The following CDC42SE2 variants were observed in gnomAD, a reference collection of about 807,000 sequenced individuals.
The protein encoded by CDC42SE2 is CDC42 small effector 2, also known as CDC42 small effector protein 2.
In CDC42SE2, 3 loss-of-function variants were observed where a neutral mutation model predicts 11.5. The ratio of observed to expected loss-of-function variants is 0.26; its 90% confidence interval spans 0.12 to 0.67. The LOEUF is 0.67. Among genes scored for constraint, CDC42SE2 ranks in the 30% least tolerant of loss-of-function variants. The probability of loss-of-function intolerance (pLI) is 0.80; values close to 1 mark genes in which losing one functional copy is unlikely to be tolerated. For synonymous variants in CDC42SE2, 33 were observed against 34.8 expected (o/e 0.95, Z 0.18); for missense variants, 82 against 106.8 (o/e 0.77, Z 1.02).
At chr5:131,376,755 TC>T (rs1238563257) in intron 3 of CDC42SE2, among the ~76,000 whole-genome samples, 1 of 152,170 alleles carries the variant, frequency 6.6e-6, no homozygotes, top group East Asian at 1.9e-4. Context: ...GGTATTATGT[TC>T]CTGTGTTAGT....
Position 131,359,396 on chromosome 5 carries a change from C to T in CDC42SE2, c.-98C>T. 1 of 848,992 alleles carries T rather than the reference C, an allele frequency of 1.2e-6. No individual in the cohort carries two copies. The highest frequency in any genetic ancestry group is 2.1e-6 in the Non-Finnish European group (1 of 485,096). The allele number at this position is 848,992 out of a possible 1,614,324, so 52.6% of individuals were successfully genotyped here. ...GTGAAATAATAAAATTTCATCTTGG[C>T]ATCACTGGACATCATCGTATTGAGG... On this transcript the variant is annotated 5_prime_UTR_variant, in exon 3 of 5. Transcript: ENST00000505065.
chr5:131,225,837 A>G, the CDC42SE2 span, among the ~76,000 whole-genome samples: 113 of 151,424 alleles, frequency 7.5e-4, no homozygotes, highest in African/African-American at 2.5e-3. Context: ...TAAACACACC[A>G]AAAAAAAAGG....
chr5:131,276,294 A>AT (rs1247345057), intron 1 of CDC42SE2, among the ~76,000 whole-genome samples: 1 of 150,912 alleles, frequency 6.6e-6, no homozygotes, highest in Non-Finnish European at 1.5e-5. Context: ...AAAAAAAAAA[A>AT]AAATAGAAAA....
intron 1 of CDC42SE2, among the ~76,000 whole-genome samples, chr5:131,282,258 T>C (rs1333656510): frequency 6.6e-6 from 1 of 152,254 alleles, no homozygotes; most frequent in South Asian, 2.1e-4. Flanking sequence ...ATTTGTGTTA[T>C]ATACATAGAG....
intron 2 of CDC42SE2, among the ~76,000 whole-genome samples, chr5:131,336,667 T>C (rs1393827782): frequency 2.0e-5 from 3 of 152,170 alleles, no homozygotes; most frequent in Non-Finnish European, 4.4e-5. Flanking sequence ...GCTTTGTTCG[T>C]TTCTTTTTAT....
At chr5:131,270,944 GGGGGGAAGGT>G (rs1289175580) in intron 1 of CDC42SE2, among the ~76,000 whole-genome samples, 1 of 152,060 alleles carries the variant, frequency 6.6e-6, no homozygotes, top group African/African-American at 2.4e-5. Context: ...AAAAGATATA[GGGGGGAAGGT>G]GGGGGAAGGT....
chr5:131,283,471 A>G (rs145234951), intron 1 of CDC42SE2, among the ~76,000 whole-genome samples: 4 of 151,174 alleles, frequency 2.6e-5, no homozygotes, highest in South Asian at 2.1e-4. Flanking sequence ...AGATTTATTC[A>G]TATAGCATGT....
chr5:131,341,254 G>A (rs1758705396), intron 2 of CDC42SE2, among the ~76,000 whole-genome samples: 1 of 152,124 alleles, frequency 6.6e-6, no homozygotes, highest in Non-Finnish European at 1.5e-5. Flanking sequence ...TGTGGCATTT[G>A]AGAATTCCAA....
chr5:131,264,322 A>G (rs1561564548), intron 1 of CDC42SE2, among the ~76,000 whole-genome samples, 156 bp downstream of exon 1: 1 of 152,064 alleles, frequency 6.6e-6, no homozygotes, highest in African/African-American at 2.4e-5. Flanking sequence ...CTGTGGGCTG[A>G]GCCTGCGTCT....
chr5:131,369,193 T>A (rs1028247001), intron 3 of CDC42SE2, among the ~76,000 whole-genome samples: 54 of 152,232 alleles, frequency 3.5e-4, no homozygotes, highest in African/African-American at 1.3e-3. Context: ...CTGGTTGTAA[T>A]CTTTTGCGTT....
chr5:131,315,783 G>A (rs1263285041), intron 1 of CDC42SE2, among the ~76,000 whole-genome samples, 193 bp from the exon 2 acceptor site: 1 of 152,166 alleles, frequency 6.6e-6, no homozygotes, highest in Non-Finnish European at 1.5e-5. Context: ...AATTTATATG[G>A]TGGGAAAAGT....
the CDC42SE2 span, among the ~76,000 whole-genome samples, chr5:131,217,303 T>G: frequency 2.6e-5 from 4 of 152,324 alleles, no homozygotes; most frequent in South Asian, 6.2e-4. Flanking sequence ...TATCTATCTC[T>G]TTACATAAAA....
chr5:131,344,310 C>T (rs1219213144), intron 2 of CDC42SE2, among the ~76,000 whole-genome samples: 11 of 152,296 alleles, frequency 7.2e-5, no homozygotes, highest in Middle Eastern at 3.4e-3. Flanking sequence ...CCTAATACTG[C>T]GCTTTCCAAC....
intron 1 of CDC42SE2, among the ~76,000 whole-genome samples, chr5:131,273,892 C>T (rs1261636357): frequency 6.6e-6 from 1 of 152,054 alleles, no homozygotes; most frequent in African/African-American, 2.4e-5. Flanking sequence ...ATCCTCCTAC[C>T]TTAGTCTTCC....
Position 131,393,787 on chromosome 5 carries a change from C to G in CDC42SE2, c.*2696C>G, listed in dbSNP as rs1236974166. 6.7e-6 allele frequency: 1 copy of G among 150,226 alleles called. No individual in the cohort carries two copies. The highest frequency in any genetic ancestry group is 1.5e-5 in the Non-Finnish European group (1 of 67,628). 9.3% of individuals were successfully genotyped at this position (150,226 alleles called of 1,614,324 possible). On this transcript the variant is annotated 3_prime_UTR_variant, in exon 5 of 5. Transcript: ENST00000505065. Reference sequence around the variant, plus strand: ...GGGAAGCCGTGATCCTTTTCCCTGACTCATGATTTTAGTCTTTTTCCAAAT... The same window carrying G: ...GGGAAGCCGTGATCCTTTTCCCTGAGTCATGATTTTAGTCTTTTTCCAAAT...
the CDC42SE2 span, among the ~76,000 whole-genome samples, chr5:131,220,884 C>CAT: frequency 1.5e-5 from 2 of 129,040 alleles, no homozygotes; most frequent in African/African-American, 6.2e-5. Flanking sequence ...CACCAGAAAC[C>CAT]TTTTTTTTTT....
intron 1 of CDC42SE2, among the ~76,000 whole-genome samples, chr5:131,301,345 C>T (rs1757674120): frequency 6.6e-6 from 1 of 152,084 alleles, no homozygotes; most frequent in Non-Finnish European, 1.5e-5. Context: ...ATGTTCCCAA[C>T]ACAAAGAAAT....
chr5:131,288,314 C>T (rs960427675), intron 1 of CDC42SE2, among the ~76,000 whole-genome samples: 1 of 152,016 alleles, frequency 6.6e-6, no homozygotes, highest in African/African-American at 2.4e-5. Flanking sequence ...CAAGATGTTA[C>T]ACTTTTTAGT....
At chr5:131,235,849 G>A in the CDC42SE2 span, among the ~76,000 whole-genome samples, 4 of 150,392 alleles carry the variant, frequency 2.7e-5, no homozygotes, top group South Asian at 2.1e-4. Context: ...CTGCCTCAGC[G>A]TCCCAAAGTG....
Sources: allele counts gnomAD v4.1 joint callset (sites outside exome capture counted in the v4.1 genomes callset), GRCh38; gene constraint gnomAD v4.1.1; transcripts MANE v1.5; gene names NCBI Gene and HGNC (gene_info 2026-07-23, HGNC 2026-07-21).